The following SNX9 variants were observed in gnomAD, a reference collection of about 807,000 sequenced individuals.
SNX9 encodes sorting nexin-9.
In SNX9, 44 loss-of-function variants were observed where a neutral mutation model predicts 89.4. The observed-to-expected ratio is 0.49, with a 90% CI of 0.39 to 0.63. The LOEUF (loss-of-function observed/expected upper bound fraction) is 0.63, where lower values mean the gene tolerates loss of function less well. SNX9 is among the 30% of genes least tolerant of loss of function. SNX9 has a pLI of 0.00. For synonymous variants in SNX9, 236 were observed against 247.8 expected, an observed-to-expected ratio of 0.95 and a Z score of 0.45; for missense variants, 578 against 736.1, an observed-to-expected ratio of 0.79 and a Z score of 2.49.
intron 4 of SNX9, among the ~76,000 whole-genome samples, chr6:157,887,316 G>T (rs929935945): frequency 1.3e-5 from 2 of 152,146 alleles, no homozygotes; most frequent in Admixed American, 6.5e-5. Context: ...AGGCTGGTGG[G>T]AATAGCCCTG....
chr6:157,860,751 C>T (rs569139246), intron 1 of SNX9, among the ~76,000 whole-genome samples: 4 of 152,254 alleles, frequency 2.6e-5, no homozygotes, highest in African/African-American at 4.8e-5. Flanking sequence ...CTGTTCTGCA[C>T]GAGTGAACTA....
chr6:157,923,869 G>C (rs959674814), intron 10 of SNX9, among the ~76,000 whole-genome samples: 1 of 152,186 alleles, frequency 6.6e-6, no homozygotes, highest in East Asian at 1.9e-4. Flanking sequence ...AAAATGCAGG[G>C]AAATGAAATG....
At chr6:157,925,999 C>A (rs982487718) in intron 10 of SNX9, among the ~76,000 whole-genome samples, 1 of 152,142 alleles carries the variant, frequency 6.6e-6, no homozygotes, top group Non-Finnish European at 1.5e-5. Flanking sequence ...AGGGACAAAC[C>A]CCCTCCATCA....
intron 4 of SNX9, among the ~76,000 whole-genome samples, chr6:157,876,068 T>C (rs976004187): frequency 6.6e-6 from 1 of 151,504 alleles, no homozygotes; most frequent in African/African-American, 2.5e-5. Context: ...ATGTTATTTC[T>C]TGATTTTTTT....
chr6:157,848,231 A>C (rs1381873345), intron 1 of SNX9, among the ~76,000 whole-genome samples: 1 of 152,204 alleles, frequency 6.6e-6, no homozygotes, highest in Non-Finnish European at 1.5e-5. Flanking sequence ...ATATGTGTTG[A>C]TAAAATATAA....
chr6:157,926,674 T>C (rs950580590), intron 10 of SNX9, among the ~76,000 whole-genome samples: 1 of 148,898 alleles, frequency 6.7e-6, no homozygotes, highest in Non-Finnish European at 1.5e-5. Flanking sequence ...CCCAGCTACT[T>C]GGGGGCTGAG....
chr6:157,851,842 G>A (rs1781920258), intron 1 of SNX9, among the ~76,000 whole-genome samples: 1 of 152,158 alleles, frequency 6.6e-6, no homozygotes, highest in Non-Finnish European at 1.5e-5. Context: ...ACCTGCCTCT[G>A]CCTCCCAAAG....
Position 157,909,754 on chromosome 6 carries a change from T to G in SNX9, c.795T>G (p.Gly265=), listed in dbSNP as rs147317728. The G allele has an allele frequency of 8.1e-6, 13 of 1,614,194 alleles. No individual in the cohort carries two copies. Among genetic ancestry groups the G allele is most frequent in the Non-Finnish European group, 1.0e-5 (12 of 1,180,028 alleles). The change falls in exon 8 of 18, where the codon GGT becomes GGG. Residue 265 remains glycine, a synonymous_variant. Transcript: ENST00000392185. ...CCAGGAAAGGCTCCAAAATGTATGG[T>G]CTAAAGAGCTACATCGAATATCAGC... ...ADPRKGSKMY[G]LKSYIEYQLT...
chr6:157,897,099 A>C, intron 5 of SNX9, 101 bp downstream of exon 5: 1 of 1,189,832 alleles, frequency 8.4e-7, no homozygotes, highest in Non-Finnish European at 1.2e-6. Flanking sequence ...TCAGCACAAC[A>C]CAGAACAGTT....
intron 1 of SNX9, among the ~76,000 whole-genome samples, chr6:157,864,876 A>G (rs1224339640): frequency 6.6e-6 from 1 of 152,194 alleles, no homozygotes; most frequent in Non-Finnish European, 1.5e-5. Flanking sequence ...AAAAATACAA[A>G]AATTAGCTGG....
intron 1 of SNX9, among the ~76,000 whole-genome samples, chr6:157,858,315 C>T (rs1160290825): frequency 6.7e-6 from 1 of 150,346 alleles, no homozygotes; most frequent in Non-Finnish European, 1.5e-5. Context: ...GGCGCAATCT[C>T]GGCTCACCGC....
intron 6 of SNX9, among the ~76,000 whole-genome samples, chr6:157,902,473 C>T (rs1239774416): frequency 6.6e-6 from 1 of 151,976 alleles, no homozygotes; most frequent in Non-Finnish European, 1.5e-5. Context: ...CCTCATATCC[C>T]TTTGTGGTAC....
chr6:157,823,475 G>A lies in SNX9; in HGVS notation c.12+29G>A. On this transcript the variant is annotated intron_variant, in intron 1 of 17. Transcript: ENST00000392185. This position sits in a 1 kb window ranked among gnomAD's most constrained non-coding sequence, Gnocchi z 4.6. ...AGGGGCGCGCGGCGCAGGCCGGGCCGGTCGCTCAGGCCCGGGGCGGCGCGG... is the reference window on the plus strand; with the variant it reads ...AGGGGCGCGCGGCGCAGGCCGGGCCAGTCGCTCAGGCCCGGGGCGGCGCGG... 8.4e-7 allele frequency: 1 copy of A among 1,191,330 alleles called. No homozygotes were observed. Among genetic ancestry groups the A allele is most frequent in the Non-Finnish European group, 1.0e-6 (1 of 963,856 alleles). 73.8% of individuals were successfully genotyped at this position (1,191,330 alleles called of 1,614,324 possible).
At position 157,937,508 on chromosome 6, in the gene SNX9, C is replaced by T; in HGVS notation, c.1518C>T (p.Ile506=). 6.2e-7 allele frequency: 1 copy of T among 1,613,388 alleles called. No homozygotes were observed. The highest frequency in any genetic ancestry group is 8.5e-7 in the Non-Finnish European group (1 of 1,179,406). The change falls in exon 15 of 18, where the codon ATC becomes ATT. Residue 506 remains isoleucine (I), a synonymous_variant. Coordinates refer to ENST00000392185, the MANE Select transcript of SNX9 (RefSeq NM_016224.5). ...YKGFLGCFPD[I]IGTHKGAIEK... is the part of the protein sequence containing the mutation. ...GTTTTCTTGGCTGCTTCCCTGACAT[C>T]ATTGGCACTCACAAGGTAACCTGAT... is the stretch of plus-strand genomic sequence containing the variant.
chr6:157,941,841 T>C (rs1158339523), intron 17 of SNX9, among the ~76,000 whole-genome samples: 1 of 152,240 alleles, frequency 6.6e-6, no homozygotes, highest in African/African-American at 2.4e-5. Context: ...GGAGACTAAC[T>C]TACGGGAGGA....
chr6:157,914,595 G>A (rs545736254), intron 9 of SNX9, among the ~76,000 whole-genome samples: 1 of 145,242 alleles, frequency 6.9e-6, no homozygotes, highest in African/African-American at 2.6e-5. Context: ...TCCAGCCTCA[G>A]CCTCCTGAGT....
intron 1 of SNX9, among the ~76,000 whole-genome samples, chr6:157,853,851 C>T (rs1781958947): frequency 6.6e-6 from 1 of 151,534 alleles, no homozygotes; most frequent in Non-Finnish European, 1.5e-5. Context: ...ATGTGCCGGT[C>T]CCTATTCTAT....
chr6:157,933,096 A>G (rs7765149), intron 13 of SNX9, among the ~76,000 whole-genome samples: 43,988 of 151,788 alleles, frequency 0.29, 7,338 homozygotes, highest in African/African-American at 0.46. Flanking sequence ...AAAGGAACCC[A>G]GGCAACATAA....
At chr6:157,828,540 C>T (rs1362686110) in intron 1 of SNX9, among the ~76,000 whole-genome samples, 1 of 152,076 alleles carries the variant, frequency 6.6e-6, no homozygotes, top group Non-Finnish European at 1.5e-5. Context: ...GTCATCCAGG[C>T]TGGAGTGCAG....
Sources: allele counts gnomAD v4.1 joint callset (sites outside exome capture counted in the v4.1 genomes callset), GRCh38; gene constraint gnomAD v4.1.1; non-coding constraint Gnocchi (gnomAD v3.1); transcripts MANE v1.5; gene names NCBI Gene and HGNC (gene_info 2026-07-23, HGNC 2026-07-21).